Variants in PLCH1 observed in about 807,000 individuals in gnomAD.
The protein encoded by PLCH1 is 1-phosphatidylinositol 4,5-bisphosphate phosphodiesterase eta-1.
Under a neutral mutation model 126.7 loss-of-function variants are expected in PLCH1, and 60 were observed. That is an observed-to-expected ratio of 0.47 (90% CI 0.38 to 0.59). The LOEUF (loss-of-function observed/expected upper bound fraction) is 0.59, where lower values mean the gene tolerates loss of function less well. Among genes scored for constraint, PLCH1 ranks in the 20% least tolerant of loss-of-function variants. PLCH1 has a pLI of 0.00. For missense variants in PLCH1, 1,723 were observed against 2,040.0 expected, an observed-to-expected ratio of 0.84 and a Z score of 2.99; for synonymous variants, 719 against 734.9, an observed-to-expected ratio of 0.98 and a Z score of 0.35.
At chr3:155,668,226 C>A (rs1469061294) in intron 2 of PLCH1, among the ~76,000 whole-genome samples, 1 of 152,070 alleles carries the variant, frequency 6.6e-6, no homozygotes, top group African/African-American at 2.4e-5. Flanking sequence ...TGAACCTCAT[C>A]GGGGCTTCTG....
chr3:155,522,706 CTCTCTT>C (rs1440208964), intron 11 of PLCH1, among the ~76,000 whole-genome samples: 15 of 91,784 alleles, frequency 1.6e-4, no homozygotes, highest in Non-Finnish European at 3.1e-4. Context: ...CAAAATTTCT[CTCTCTT>C]TTTTTTTTTT....
intron 2 of PLCH1, among the ~76,000 whole-genome samples, chr3:155,700,892 G>T (rs1307121699): frequency 6.6e-6 from 1 of 152,148 alleles, no homozygotes; most frequent in South Asian, 2.1e-4. Context: ...CTTTGCTCAA[G>T]ATTTTTTTCT....
intron 21 of PLCH1, among the ~76,000 whole-genome samples, chr3:155,463,831 A>C (rs1326600462): frequency 1.3e-5 from 2 of 152,178 alleles, no homozygotes; most frequent in Non-Finnish European, 1.5e-5. Flanking sequence ...CACACACACA[A>C]AAAATGGAAC....
In PLCH1 at chr3:155,494,473, G is replaced by A. The variant is rs1196683448; in HGVS notation, c.1939C>T (p.Gln647Ter). 6.2e-7 allele frequency: 1 copy of A among 1,613,948 alleles called. No individual in the cohort carries two copies. The highest frequency in any genetic ancestry group is 1.3e-5 in the African/African-American group (1 of 74,906). ...TGCTCTGATTTTTGCTGAACAACCT[G>A]ATGTGCTCTTGTTTCACTGAATGAT... is the stretch of plus-strand genomic sequence containing the variant. Reference protein sequence around the residue: ...VLSFSETRAHQVVQQKSEQFM... With the variant: ...VLSFSETRAH Residue 647 changes from glutamine to a stop codon, truncating the protein, a stop_gained, in exon 16 of 23, where the codon CAG becomes TAG. Coordinates refer to ENST00000460012, the MANE Select transcript of PLCH1 (RefSeq NM_014996.4). LOFTEE classifies it high-confidence loss of function.
At chr3:155,608,842 T>C (rs1228421508) in intron 2 of PLCH1, among the ~76,000 whole-genome samples, 1 of 152,088 alleles carries the variant, frequency 6.6e-6, no homozygotes, top group African/African-American at 2.4e-5. Flanking sequence ...AACCAGAATA[T>C]TTATCCTGGC....
chr3:155,467,449 C>T (rs946877202), intron 21 of PLCH1, among the ~76,000 whole-genome samples: 2 of 151,880 alleles, frequency 1.3e-5, no homozygotes, highest in South Asian at 4.2e-4. Context: ...TGGTGCGCAC[C>T]TGTAATCCCA....
intron 10 of PLCH1, among the ~76,000 whole-genome samples, chr3:155,530,953 T>C (rs949965321): frequency 2.0e-5 from 3 of 152,228 alleles, no homozygotes; most frequent in Non-Finnish European, 4.4e-5. Context: ...TACTTATACA[T>C]CTCATTAGAG....
At chr3:155,574,878 C>T (rs1215096787) in intron 6 of PLCH1, among the ~76,000 whole-genome samples, 1 of 152,096 alleles carries the variant, frequency 6.6e-6, no homozygotes, top group Non-Finnish European at 1.5e-5. Flanking sequence ...TGCCTGTATT[C>T]CCAGCACTTT....
At chr3:155,461,798 T>G (rs1025534752) in intron 21 of PLCH1, among the ~76,000 whole-genome samples, 1 of 152,194 alleles carries the variant, frequency 6.6e-6, no homozygotes, top group Admixed American at 6.5e-5. Flanking sequence ...GTAGATAGGA[T>G]GACCTATTTT....
chr3:155,497,586 TTCCACC>T (rs1156718477), intron 14 of PLCH1, among the ~76,000 whole-genome samples, 169 bp from the exon 15 acceptor site: 1 of 152,216 alleles, frequency 6.6e-6, no homozygotes, highest in Non-Finnish European at 1.5e-5. Context: ...TCAGTGCTCT[TTCCACC>T]ACAAAATCCT....
chr3:155,497,234 G>T lies in PLCH1; in HGVS notation c.1894+86C>A, dbSNP rs137886115. ...AGTCCCAAAAATGTGTGTTGATAAT[G>T]GGATTAACAAAAATTCATTAACAAT... On this transcript the variant is annotated intron_variant, in intron 15 of 22. Transcript: ENST00000460012. The T allele has an allele frequency of 1.8e-4, 172 of 937,446 alleles. No homozygotes were observed. The East Asian group carries it at 3.7e-3, about 20-fold the overall frequency. 58.1% of individuals were successfully genotyped at this position (937,446 alleles called of 1,614,324 possible).
At chr3:155,560,878 C>T (rs1286235434) in intron 8 of PLCH1, among the ~76,000 whole-genome samples, 1 of 152,150 alleles carries the variant, frequency 6.6e-6, no homozygotes, top group African/African-American at 2.4e-5. Flanking sequence ...TTGGAATTCT[C>T]CTCAACCTCC....
chr3:155,580,312 T>A (rs1347171248), intron 6 of PLCH1, among the ~76,000 whole-genome samples: 1 of 152,230 alleles, frequency 6.6e-6, no homozygotes, highest in East Asian at 1.9e-4. Context: ...CCAAATACTT[T>A]GTACTTTTTT....
chr3:155,486,121 A>T, intron 21 of PLCH1: 1 of 1,445,872 alleles, frequency 6.9e-7, no homozygotes. Flanking sequence ...TGCCAGCCAG[A>T]ACAAAGCACC....
At chr3:155,523,394 C>CAAATT (rs2108292392) in intron 11 of PLCH1, among the ~76,000 whole-genome samples, 1 of 152,284 alleles carries the variant, frequency 6.6e-6, no homozygotes, top group South Asian at 2.1e-4. Flanking sequence ...AAAGATTTAG[C>CAAATT]CAAGAGGTCC....
At position 155,485,716 on chromosome 3, in the gene PLCH1, G is replaced by A. The variant is rs1432651375; in HGVS notation, c.2620-6C>T. 6.4e-7 allele frequency: 1 copy of A among 1,562,468 alleles called. No individual in the cohort carries two copies. The highest frequency in any genetic ancestry group is 1.7e-5 in the Admixed American group (1 of 57,444). Reference sequence around the variant, plus strand: ...AGACCCTGGAGTTGTCTGTTCTGAAGACACAAAAGAACCAACCACAAGTTA... The same window carrying A: ...AGACCCTGGAGTTGTCTGTTCTGAAAACACAAAAGAACCAACCACAAGTTA... On this transcript the variant is annotated splice_region_variant and splice_polypyrimidine_tract_variant and intron_variant, in intron 21 of 22. Coordinates refer to ENST00000460012, the MANE Select transcript of PLCH1 (RefSeq NM_014996.4).
At chr3:155,588,264 A>G (rs1177167004) in intron 4 of PLCH1, among the ~76,000 whole-genome samples, 1 of 152,116 alleles carries the variant, frequency 6.6e-6, no homozygotes, top group Non-Finnish European at 1.5e-5. Context: ...TTCCTTATAG[A>G]CTTGTCAGGA....
intron 10 of PLCH1, among the ~76,000 whole-genome samples, chr3:155,528,615 C>A (rs555319446): frequency 8.5e-5 from 13 of 152,140 alleles, no homozygotes; most frequent in Non-Finnish European, 1.8e-4. Flanking sequence ...GAATAAAAAC[C>A]AACATATGTT....
rs1210425168 is a variant in PLCH1 at position 155,486,227 on chromosome 3, A to G, written c.2620-517T>C. The G allele has an allele frequency of 2.1e-6, 3 of 1,448,064 alleles. No individual in the cohort carries two copies. The East Asian group carries it at 7.4e-5, about 36-fold the overall frequency. The allele number at this position is 1,448,064 out of a possible 1,614,324, so 89.7% of individuals were successfully genotyped here. ...CTCCACTGTAAAGGAAAAAAACAAA[A>G]CACAACAAAACACAATTGGGGCTCA... On this transcript the variant is annotated intron_variant, in intron 21 of 22. Transcript: ENST00000460012.
Sources: gnomAD v4.1 joint callset for allele counts (sites outside exome capture counted in the v4.1 genomes callset) on GRCh38, gnomAD v4.1.1 for gene constraint, MANE v1.5 for transcripts, NCBI Gene and HGNC (gene_info 2026-07-23, HGNC 2026-07-21) for gene names.